The following NAALADL2 variants were observed in gnomAD, a reference collection of about 807,000 sequenced individuals.
NAALADL2 encodes the protein N-acetylated alpha-linked acidic dipeptidase like 2.
In NAALADL2, 76 loss-of-function variants were observed where a neutral mutation model predicts 87.2. The ratio of observed to expected loss-of-function variants is 0.87; its 90% CI spans 0.72 to 1.05. The LOEUF is 1.05. Among genes scored for constraint, NAALADL2 ranks in the 50% least tolerant of loss-of-function variants. The probability of loss-of-function intolerance (pLI) is 0.00; values close to 1 mark genes in which losing one functional copy is unlikely to be tolerated. For missense variants in NAALADL2, 1,089 were observed against 945.8 expected, an observed-to-expected ratio of 1.15 and a Z score of -1.99; for synonymous variants, 354 against 331.0, an observed-to-expected ratio of 1.07 and a Z score of -0.75.
chr3:175,724,710 A>G (rs1742702900), intron 11 of NAALADL2, among the ~76,000 whole-genome samples: 2 of 151,754 alleles, frequency 1.3e-5, no homozygotes, highest in Admixed American at 6.6e-5. Flanking sequence ...CCATATCTCT[A>G]CCTCTCTCTA....
intron 1 of NAALADL2, among the ~76,000 whole-genome samples, chr3:174,947,628 A>G (rs1739644970): frequency 6.6e-6 from 1 of 152,120 alleles, no homozygotes; most frequent in Non-Finnish European, 1.5e-5. Flanking sequence ...TCTTGGGAAA[A>G]AAAACACTGA....
At chr3:175,186,202 T>C (rs1160039429) in intron 2 of NAALADL2, among the ~76,000 whole-genome samples, 2 of 152,056 alleles carry the variant, frequency 1.3e-5, no homozygotes, top group Non-Finnish European at 2.9e-5. Flanking sequence ...AAAATTGCCT[T>C]ATTTGTAGTG....
intron 2 of NAALADL2, among the ~76,000 whole-genome samples, chr3:174,708,188 C>T (rs973063846): frequency 6.6e-6 from 1 of 152,162 alleles, no homozygotes; most frequent in Non-Finnish European, 1.5e-5. Context: ...CTACCTACAT[C>T]TCTACCTCCC....
At chr3:174,544,523 A>G (rs1262404924) in intron 1 of NAALADL2, among the ~76,000 whole-genome samples, 1 of 149,678 alleles carries the variant, frequency 6.7e-6, no homozygotes, top group Non-Finnish European at 1.5e-5. Context: ...CTAAATGGCT[A>G]TCAATAATCT....
intron 1 of NAALADL2, among the ~76,000 whole-genome samples, chr3:174,997,685 G>GGACAC (rs1747696341): frequency 6.6e-6 from 1 of 151,876 alleles, no homozygotes; most frequent in Non-Finnish European, 1.5e-5. Context: ...GTGTGGTGGT[G>GGACAC]GACACGTATA....
At chr3:174,559,435 G>A (rs567919120) in intron 2 of NAALADL2, among the ~76,000 whole-genome samples, 1 of 152,304 alleles carries the variant, frequency 6.6e-6, no homozygotes, top group African/African-American at 2.4e-5. Flanking sequence ...AGTAGATAAA[G>A]TAGAAATTTT....
chr3:175,782,785 C>T (rs1397833423), intron 13 of NAALADL2, among the ~76,000 whole-genome samples: 4 of 146,084 alleles, frequency 2.7e-5, no homozygotes, highest in East Asian at 2.0e-4. Flanking sequence ...TTGCCCATGC[C>T]TATGTCCTGA....
intron 11 of NAALADL2, among the ~76,000 whole-genome samples, chr3:175,674,303 A>AGGCTGGAGTGCAGT (rs1390741521): frequency 6.7e-6 from 1 of 149,224 alleles, no homozygotes; most frequent in Non-Finnish European, 1.5e-5. Flanking sequence ...TCTGTCGCCC[A>AGGCTGGAGTGCAGT]GGCTGGAGTG....
At chr3:174,759,044 C>T (rs934416429) in intron 3 of NAALADL2, among the ~76,000 whole-genome samples, 3 of 152,196 alleles carry the variant, frequency 2.0e-5, no homozygotes, top group Non-Finnish European at 4.4e-5. Context: ...GTTTCATCTA[C>T]ATACTTTTTT....
chr3:174,925,858 A>AG, intron 1 of NAALADL2, among the ~76,000 whole-genome samples: 1 of 152,178 alleles, frequency 6.6e-6, no homozygotes, highest in African/African-American at 2.4e-5. Context: ...CTGGATGGAG[A>AG]ATGACTTTGA....
At chr3:175,554,021 A>T in intron 9 of NAALADL2, among the ~76,000 whole-genome samples, 1 of 152,140 alleles carries the variant, frequency 6.6e-6, no homozygotes, top group East Asian at 1.9e-4. Flanking sequence ...CATGATAGGA[A>T]GTGGCTGACT....
chr3:175,597,425 G>A (rs1386900014), intron 10 of NAALADL2, among the ~76,000 whole-genome samples: 2 of 151,872 alleles, frequency 1.3e-5, no homozygotes, highest in Non-Finnish European at 2.9e-5. Context: ...GTGGTTTTAG[G>A]AATCAAACTC....
intron 1 of NAALADL2, among the ~76,000 whole-genome samples, chr3:174,505,306 T>C (rs1457961526): frequency 3.9e-5 from 6 of 152,266 alleles, no homozygotes; most frequent in African/African-American, 1.2e-4. Context: ...GAGTTAATAA[T>C]AGTGATGCCT....
rs536024856 is a variant in NAALADL2, at chr3:175,363,320, A to AT, written c.1090+39002dup. 1.3e-4 allele frequency among the ~76,000 whole-genome samples: 19 copies of AT among 146,466 alleles called. 2 individuals are homozygous for AT. Among genetic ancestry groups the AT allele is most frequent in the East Asian group, 1.0e-3 (5 of 4,912 alleles). On this transcript the variant is annotated intron_variant, in intron 5 of 13. Coordinates refer to ENST00000454872, the MANE Select transcript of NAALADL2 (RefSeq NM_207015.3). Reference sequence around the variant, plus strand: ...TATGTACAATGTCTTTTTTTGGTGCATTTTTTTCCATTTGTTTGCTTTGTT... The same window carrying AT: ...TATGTACAATGTCTTTTTTTGGTGCATTTTTTTTCCATTTGTTTGCTTTGTT...
At chr3:174,642,973 G>A (rs1173236565) in intron 2 of NAALADL2, among the ~76,000 whole-genome samples, 5 of 151,748 alleles carry the variant, frequency 3.3e-5, no homozygotes, top group Non-Finnish European at 7.4e-5. Context: ...GTAGAGTCAG[G>A]GTCTCACTAT....
Position 175,758,936 on chromosome 3 carries a change from C to A in NAALADL2, c.2189+3518C>A, listed in dbSNP as rs114310300. Among the ~76,000 whole-genome samples, 930 of 152,082 alleles carry A rather than the reference C, an allele frequency of 6.1e-3. 13 individuals are homozygous for A. The highest frequency in any genetic ancestry group is 0.021 in the African/African-American group (861 of 41,504). ...CATTTTAAGAAAGTTCTTGACAGAA[C>A]TTTACTGTGTAAAGCCAAATACTTC... On this transcript the variant is annotated intron_variant, in intron 13 of 13. Transcript: ENST00000454872.
chr3:175,118,009 G>C (rs988748760), intron 2 of NAALADL2, among the ~76,000 whole-genome samples: 1 of 151,880 alleles, frequency 6.6e-6, no homozygotes, highest in South Asian at 2.1e-4. Flanking sequence ...GCAAACTATT[G>C]CAAGGACAGA....
At chr3:175,361,486 G>C (rs1020353860) in intron 5 of NAALADL2, among the ~76,000 whole-genome samples, 7 of 148,222 alleles carry the variant, frequency 4.7e-5, no homozygotes, top group East Asian at 2.0e-4. Flanking sequence ...CCCACCAACA[G>C]TGTAAAAGTG....
At chr3:174,791,314 A>G (rs1017984200) in intron 3 of NAALADL2, among the ~76,000 whole-genome samples, 2 of 152,158 alleles carry the variant, frequency 1.3e-5, no homozygotes, top group Non-Finnish European at 2.9e-5. Context: ...CATATGTTGA[A>G]ATCCTAACAC....
Sources: allele counts gnomAD v4.1 joint callset (sites outside exome capture counted in the v4.1 genomes callset), GRCh38; gene constraint gnomAD v4.1.1; transcripts MANE v1.5; gene names NCBI Gene and HGNC (gene_info 2026-07-23, HGNC 2026-07-21).